HYDIN: variants seen among roughly 807,000 people sequenced by gnomAD.
HYDIN encodes the protein axonemal central pair apparatus protein HYDIN.
HYDIN carries 132 observed loss-of-function variants against 403.9 expected under a neutral mutation model. That is an observed-to-expected ratio of 0.33 (90% CI 0.28 to 0.38). The LOEUF is 0.38. Ranked by LOEUF, HYDIN falls within the 10% of genes least tolerant of loss-of-function variation. HYDIN has a pLI of 1.00. For synonymous variants in HYDIN, 1,202 were observed against 1,891.7 expected (o/e 0.64, Z 9.46); for missense variants, 2,827 against 5,009.5 (o/e 0.56, Z 13.15).
intron 8 of HYDIN, chr16:71,133,075 G>C (rs1597851416): frequency 2.8e-6 from 1 of 362,728 alleles, no homozygotes; most frequent in East Asian, 7.4e-5. Flanking sequence ...ACAGTCAATG[G>C]GGAAGATGTG....
At chr16:71,159,757 T>C (rs920630578) in intron 6 of HYDIN, among the ~76,000 whole-genome samples, 1 of 151,576 alleles carries the variant, frequency 6.6e-6, no homozygotes, top group African/African-American at 2.4e-5. Flanking sequence ...TTGAGTGACA[T>C]ATTTAAAGTA....
At chr16:71,055,114 C>T (rs1358334741) in intron 18 of HYDIN, among the ~76,000 whole-genome samples, 22 of 152,288 alleles carry the variant, frequency 1.4e-4, no homozygotes, top group African/African-American at 5.1e-4. Flanking sequence ...AACATGAAAC[C>T]GTGCTCCTTT....
At chr16:71,219,018 TA>T (rs1169973277) in intron 1 of HYDIN, among the ~76,000 whole-genome samples, 2 of 152,202 alleles carry the variant, frequency 1.3e-5, no homozygotes, top group Non-Finnish European at 2.9e-5. Context: ...TGAGTACTGG[TA>T]ATTGTTTTCA....
In HYDIN at chr16:71,021,970, T is replaced by C. The variant is rs551501812; in HGVS notation, c.3187-1653A>G. Among the ~76,000 whole-genome samples, 3 of 151,954 alleles carry C rather than the reference T, an allele frequency of 2.0e-5. No individual in the cohort carries two copies. In the South Asian group the frequency reaches 6.3e-4, roughly 32 times the overall value. ...TCTCCCTGTGCACTCCCAGGGTGAC[T>C]TTAGGGATTAGGTCTGGAGTTTACC... On this transcript the variant is annotated intron_variant, in intron 21 of 85. Transcript: ENST00000393567.
intron 5 of HYDIN, among the ~76,000 whole-genome samples, chr16:71,170,043 C>T (rs892982210): frequency 2.0e-5 from 3 of 152,090 alleles, no homozygotes; most frequent in African/African-American, 7.2e-5. Flanking sequence ...AGCGGTGATG[C>T]CTCACGTGGC....
At chr16:70,819,222 G>A (rs1319981239) in intron 83 of HYDIN, among the ~76,000 whole-genome samples, 5 of 151,890 alleles carry the variant, frequency 3.3e-5, no homozygotes, top group Non-Finnish European at 7.4e-5. Flanking sequence ...GCCACAGTGG[G>A]CTTTCTTCCT....
In HYDIN at chr16:71,184,878, G is replaced by A. The variant is rs984523432; in HGVS notation, c.248C>T (p.Thr83Ile). 6.2e-7 allele frequency: 1 copy of A among 1,605,012 alleles called. No homozygotes were observed. The highest frequency in any genetic ancestry group is 1.7e-5 in the Admixed American group (1 of 59,674). ...GAGAGCAGCTACCTTCTGATGTGTT[G>A]TTTCCCCCATATCTAAGAGTTCGAT... ...QIIELLDMGE[T>I]THQKFSGIDL... Residue 83 changes from threonine to isoleucine, a missense_variant, in exon 3 of 86, where the codon ACA becomes ATA. Transcript: ENST00000393567.
intron 13 of HYDIN, among the ~76,000 whole-genome samples, chr16:71,074,707 C>CAAAAAAAAAAAAAAAAA (rs59315287): frequency 2.3e-5 from 2 of 86,240 alleles, no homozygotes; most frequent in African/African-American, 4.5e-5. Context: ...CAAAAAACAC[C>CAAAAAAAAAAAAAAAAA]AAAAAAAAAA....
intron 23 of HYDIN, among the ~76,000 whole-genome samples, chr16:71,007,072 C>CTCCCTTCCTTCCT (rs1368588746): frequency 6.6e-6 from 1 of 151,156 alleles, no homozygotes; most frequent in Non-Finnish European, 1.5e-5. Flanking sequence ...GCCTCCGTCC[C>CTCCCTTCCTTCCT]TCCCTTCCTT....
rs182611397 is a variant in HYDIN at position 71,004,411 on chromosome 16, A to G, written c.3645-12201T>C. 2.4e-3 allele frequency among the ~76,000 whole-genome samples: 370 copies of G among 152,070 alleles called. 1 individual carries two copies. The highest frequency in any genetic ancestry group is 8.0e-3 in the Admixed American group (123 of 15,292). ...ATATTTTAAAAAGTTATCCTTGATC[A>G]GGTTAAGGAATTTTCACATGAATAG... On this transcript the variant is annotated intron_variant, in intron 23 of 85. Transcript: ENST00000393567.
chr16:71,187,597 G>C (rs939684998), intron 1 of HYDIN, among the ~76,000 whole-genome samples: 1 of 151,840 alleles, frequency 6.6e-6, no homozygotes, highest in African/African-American at 2.4e-5. Context: ...TGCTAAAAAA[G>C]AGAACTAAAA....
chr16:70,923,865 T>A (rs368379944), intron 45 of HYDIN, among the ~76,000 whole-genome samples: 2 of 128,216 alleles, frequency 1.6e-5, no homozygotes, highest in South Asian at 2.5e-4. Context: ...ACAGAAAACA[T>A]AAAATGAAGA....
chr16:70,879,032 T>TA (rs1190781737), intron 62 of HYDIN, among the ~76,000 whole-genome samples: 2 of 150,950 alleles, frequency 1.3e-5, no homozygotes, highest in Admixed American at 6.6e-5. Flanking sequence ...AGAACACCCA[T>TA]AATCCTACCC....
Position 70,992,184 on chromosome 16 carries a change from T to C in HYDIN, c.3671A>G (p.Tyr1224Cys), listed in dbSNP as rs753794462. The stretch of plus-strand genomic sequence containing the variant: ...CTCCATCTGGGACACTGGGGCACTG[T>C]AGGGCTTCTTCGGCAATGTCACAAA... ...IRFVTLPKKP[Y>C]SAPVSQMESI... Residue 1224 changes from tyrosine to cysteine, a missense_variant, in exon 24 of 86, where the codon TAC becomes TGC. Coordinates refer to ENST00000393567, the MANE Select transcript of HYDIN (RefSeq NM_001270974.2). 1.0e-5 allele frequency: 16 copies of C among 1,601,954 alleles called. No homozygotes were observed. Among genetic ancestry groups the C allele is most frequent in the Admixed American group, 1.7e-5 (1 of 57,320 alleles).
rs768022391 is a variant in HYDIN, at chr16:70,872,069, G to C, written c.11059C>G (p.Pro3687Ala). Residue 3687 changes from proline (P) to alanine (A), a missense_variant, in exon 65 of 86, where the codon CCT becomes GCT. By Grantham distance (27) the Pro-to-Ala change is conservative (BLOSUM62 -1). Coordinates refer to ENST00000393567, the MANE Select transcript of HYDIN (RefSeq NM_001270974.2). The part of the protein sequence containing the change: ...SQVNLIRFEW[P>A]VSATIAFSPQ... ...GAGAAAGCAATTGTAGCTGAAACAG[G>C]CCATTCAAACCGTATCAAGTTCACT... is the stretch of plus-strand genomic sequence containing the variant. 1 of 1,572,396 alleles carries C rather than the reference G, an allele frequency of 6.4e-7. No homozygotes were observed. Among genetic ancestry groups the C allele is most frequent in the Non-Finnish European group, 8.6e-7 (1 of 1,164,182 alleles).
At chr16:71,124,477 C>G (rs965337025) in intron 9 of HYDIN, among the ~76,000 whole-genome samples, 7 of 151,580 alleles carry the variant, frequency 4.6e-5, no homozygotes, top group African/African-American at 1.7e-4. Context: ...ATTGAAAGAG[C>G]CTCTGAAACA....
Position 71,020,313 on chromosome 16 carries a change from G to C in HYDIN, c.3191C>G (p.Pro1064Arg). 4 of 1,612,202 alleles carry C rather than the reference G, an allele frequency of 2.5e-6. No homozygotes were observed. Among genetic ancestry groups the C allele is most frequent in the Non-Finnish European group, 3.4e-6 (4 of 1,179,582 alleles). The change falls in exon 22 of 86, where the codon CCT becomes CGT. Residue 1064 changes from proline (P) to arginine (R), a missense_variant. Physicochemically the swap from Pro to Arg is moderately radical, Grantham distance 103. Transcript: ENST00000393567. Reference protein sequence around the residue: ...KQLIYRLEKKPNSILKPDYQP... With the variant: ...KQLIYRLEKKRNSILKPDYQP... ...GTAATCAGGTTTCAGGATACTGTTA[G>C]GTTTCTGCAAAAACAGAAAAAGAGG...
At chr16:71,057,297 T>C (rs2081931482) in intron 18 of HYDIN, among the ~76,000 whole-genome samples, 1 of 150,734 alleles carries the variant, frequency 6.6e-6, no homozygotes, top group African/African-American at 2.4e-5. Flanking sequence ...TAGAGCACGA[T>C]TGGAGTTGTG....
chr16:70,862,865 A>T (rs1409153920), intron 68 of HYDIN, among the ~76,000 whole-genome samples: 1 of 152,172 alleles, frequency 6.6e-6, no homozygotes, highest in African/African-American at 2.4e-5. Flanking sequence ...GAGATGGGGC[A>T]TTGGCCTAGT....
Sources: gnomAD v4.1 joint callset for allele counts (sites outside exome capture counted in the v4.1 genomes callset) on GRCh38, gnomAD v4.1.1 for gene constraint, MANE v1.5 for transcripts, NCBI Gene and HGNC (gene_info 2026-07-23, HGNC 2026-07-21) for gene names.